Variants in NTMT2 observed in about 807,000 individuals in gnomAD.
NTMT2 encodes the protein X-Pro-Lys N-terminal protein methyltransferase 1B.
NTMT2 carries 21 observed loss-of-function variants against 23.4 expected under a neutral mutation model. The observed-to-expected ratio is 0.90, with a 90% CI of 0.64 to 1.29. The LOEUF (loss-of-function observed/expected upper bound fraction) is 1.29, where lower values mean the gene tolerates loss of function less well. Among genes scored for constraint, NTMT2 ranks in the 50% most tolerant of loss-of-function variants. NTMT2 has a pLI of 0.00. For synonymous variants in NTMT2, 131 were observed against 127.7 expected (o/e 1.03, Z -0.17); for missense variants, 336 against 352.0 (o/e 0.95, Z 0.36).
At chr1:170,160,775 G>A (rs1173365937) in intron 2 of NTMT2, 82 bp downstream of exon 2, 2 of 1,256,862 alleles carry the variant, frequency 1.6e-6, no homozygotes, top group East Asian at 2.7e-5. Flanking sequence ...TGTTATTTAA[G>A]TCACGACTAA....
chr1:170,167,971 GA>G lies in NTMT2; in HGVS notation c.*223del, dbSNP rs11360504. ...CATGCACAAATTCTGTGGATTTTCT[GA>G]AAAAAAAATGGAGTGAAATATCAGG... On this transcript the variant is annotated 3_prime_UTR_variant, in exon 4 of 4. Transcript: ENST00000439373. Among the ~76,000 whole-genome samples the G allele has an allele frequency of 0.33, 49,895 of 150,402 alleles. 8,429 individuals carry two copies. The highest frequency in any genetic ancestry group is 0.41 in the Middle Eastern group (121 of 292).
chr1:170,166,595 G>A lies in NTMT2; in HGVS notation c.424G>A (p.Val142Met), dbSNP rs749589550. 1 of 1,552,158 alleles carries A rather than the reference G, an allele frequency of 6.4e-7. No homozygotes were observed. Among genetic ancestry groups the A allele is most frequent in the Non-Finnish European group, 8.7e-7 (1 of 1,147,126 alleles). ...CGTCTTATTGCCTGTTTTCAACAGT[G>A]TGGAGCTGGTGGATATGATGGAATC... ...KHVLLPVFNS[V>M]ELVDMMESFL... Residue 142 changes from valine to methionine, a missense_variant, in exon 3 of 4, where the codon GTG becomes ATG. Coordinates refer to ENST00000439373, the MANE Select transcript of NTMT2 (RefSeq NM_001136107.2).
chr1:170,164,121 CAAAAA>C (rs36025340), intron 2 of NTMT2, among the ~76,000 whole-genome samples: 100 of 101,950 alleles, frequency 9.8e-4, no homozygotes, highest in African/African-American at 2.9e-3. Context: ...GACTCTATCT[CAAAAA>C]AAAAAAAAAA....
rs150336090 is a variant in NTMT2 at position 170,155,075 on chromosome 1, A to G, written c.155-5443A>G. Among the ~76,000 whole-genome samples the G allele has an allele frequency of 7.9e-5, 12 of 152,134 alleles. No individual in the cohort carries two copies. The East Asian group carries it at 2.3e-3, about 29-fold the overall frequency. On this transcript the variant is annotated intron_variant, in intron 1 of 3. Coordinates refer to ENST00000439373, the MANE Select transcript of NTMT2 (RefSeq NM_001136107.2). ...CTCTGGCTTCACTTTCTGCCATGGT[A>G]AAAACTCCCTAAGACCTCCTCAGAA... is the stretch of plus-strand genomic sequence containing the variant.
At chr1:170,152,230 G>A (rs1673083541) in intron 1 of NTMT2, among the ~76,000 whole-genome samples, 1 of 152,106 alleles carries the variant, frequency 6.6e-6, no homozygotes, top group South Asian at 2.1e-4. Flanking sequence ...TTAAAAATGT[G>A]GTATTAAAGT....
intron 2 of NTMT2, among the ~76,000 whole-genome samples, chr1:170,163,678 G>A (rs116136411): frequency 8.8e-4 from 134 of 152,200 alleles, no homozygotes; most frequent in African/African-American, 2.4e-3. Context: ...GTGACATGAG[G>A]TCCTTTCATT....
chr1:170,166,125 C>CTTTTTTTTTTCTTTCTT (rs1673374652), intron 2 of NTMT2, among the ~76,000 whole-genome samples: 1 of 112,568 alleles, frequency 8.9e-6, no homozygotes, highest in Non-Finnish European at 1.7e-5. Flanking sequence ...AATTTTCTTT[C>CTTTTTTTTTTCTTTCTT]TTTTTTTTTT....
chr1:170,158,197 C>T lies in NTMT2; in HGVS notation c.155-2321C>T, dbSNP rs536290946. The T allele has an allele frequency of 3.3e-5, 5 of 152,118 alleles. No individual in the cohort carries two copies. The South Asian group carries it at 1.0e-3, about 32-fold the overall frequency. The allele number at this position is 152,118 out of a possible 1,614,324, so 9.4% of individuals were successfully genotyped here. A position where few individuals can be genotyped will look rare whatever the true frequency, so the allele number is the denominator to read the frequency against. On this transcript the variant is annotated intron_variant, in intron 1 of 3. Coordinates refer to ENST00000439373, the MANE Select transcript of NTMT2 (RefSeq NM_001136107.2). ...ATCTCAGAATATTGGTGGCACTGTGCCATTGTTTTCTAGTGTTTCTGATGA... is the reference window on the plus strand; with the variant it reads ...ATCTCAGAATATTGGTGGCACTGTGTCATTGTTTTCTAGTGTTTCTGATGA...
chr1:170,146,123 G>A lies in NTMT2; in HGVS notation c.16G>A (p.Ala6Thr), dbSNP rs1672957800. Residue 6 changes from alanine to threonine, a missense_variant, in exon 1 of 4, where the codon GCC becomes ACC. Physicochemically the swap from Ala to Thr is moderately conservative, Grantham distance 58. Transcript: ENST00000439373. MAHRGAHFAFRSRWQK... is the reference protein window; with the variant it reads MAHRGTHFAFRSRWQK... ...CCCCTTTGTCATGGCCCACCGGGGAGCCCATTTTGCCTTTAGATCCCGCTG... is the reference window on the plus strand; with the variant it reads ...CCCCTTTGTCATGGCCCACCGGGGAACCCATTTTGCCTTTAGATCCCGCTG... 1 of 1,551,210 alleles carries A rather than the reference G, an allele frequency of 6.4e-7. No homozygotes were observed. The highest frequency in any genetic ancestry group is 2.4e-5 in the East Asian group (1 of 40,878).
At position 170,167,637 on chromosome 1, in the gene NTMT2, C is replaced by T. The variant is rs1673421757; in HGVS notation, c.732C>T (p.Ile244=). Reference sequence around the variant, plus strand: ...GCAGTGTGACTCGGGACATGGACATCCTCCGGAGCCTAATAAGGAAGAGTG... The same window carrying T: ...GCAGTGTGACTCGGGACATGGACATTCTCCGGAGCCTAATAAGGAAGAGTG... ...SDSSVTRDMD[I]LRSLIRKSGL... is the part of the protein sequence containing the mutation. Residue 244 remains isoleucine (I), a synonymous_variant, in exon 4 of 4, where the codon ATC becomes ATT. Coordinates refer to ENST00000439373, the MANE Select transcript of NTMT2 (RefSeq NM_001136107.2). The T allele has an allele frequency of 1.9e-6, 3 of 1,551,694 alleles. No individual in the cohort carries two copies. The highest frequency in any genetic ancestry group is 4.9e-5 in the East Asian group (2 of 40,916).
At position 170,148,541 on chromosome 1, in the gene NTMT2, G is replaced by A. The variant is rs574830778; in HGVS notation, c.154+2280G>A. ...ATTGCTTATTTTCTCTGACCCTGAT[G>A]ATTTGACCTGGACATTAGTTTGCCT... On this transcript the variant is annotated intron_variant, in intron 1 of 3. Coordinates refer to ENST00000439373, the MANE Select transcript of NTMT2 (RefSeq NM_001136107.2). Among the ~76,000 whole-genome samples, 125 of 152,144 alleles carry A rather than the reference G, an allele frequency of 8.2e-4. 4 individuals are homozygous for A. The South Asian group carries it at 0.025, about 30-fold the overall frequency.
intron 1 of NTMT2, among the ~76,000 whole-genome samples, chr1:170,150,923 A>T (rs904719817): frequency 3.9e-5 from 6 of 152,220 alleles, no homozygotes; most frequent in Non-Finnish European, 8.8e-5. Context: ...CATGTTTAGT[A>T]ACAATCATTG....
chr1:170,162,582 G>C (rs10919312), intron 2 of NTMT2, among the ~76,000 whole-genome samples: 44,594 of 152,146 alleles, frequency 0.29, 7,345 homozygotes, highest in African/African-American at 0.44. Context: ...TTCACTGAAT[G>C]CTGGTTCTGA....
chr1:170,166,625 C>A lies in NTMT2; in HGVS notation c.454C>A (p.Leu152Ile). 1 of 1,551,958 alleles carries A rather than the reference C, an allele frequency of 6.4e-7. No individual in the cohort carries two copies. The highest frequency in any genetic ancestry group is 8.7e-7 in the Non-Finnish European group (1 of 1,147,022). ...GCTGGTGGATATGATGGAATCCTTT[C>A]TCCTTGAAGCCCAGAACTACCTGCA... ...VELVDMMESF[L>I]LEAQNYLQVK... The change falls in exon 3 of 4, where the codon CTC becomes ATC. Residue 152 changes from leucine to isoleucine, a missense_variant. Physicochemically the swap from Leu to Ile is conservative, Grantham distance 5. Coordinates refer to ENST00000439373, the MANE Select transcript of NTMT2 (RefSeq NM_001136107.2).
Position 170,163,435 on chromosome 1 carries a change from G to C in NTMT2, c.330+2742G>C, listed in dbSNP as rs1673311253. 2.0e-5 allele frequency among the ~76,000 whole-genome samples: 3 copies of C among 152,188 alleles called. No homozygotes were observed. In the South Asian group the frequency reaches 6.2e-4, roughly 32 times the overall value. ...ATGACATGAGACAGTGGGAAAAGGT[G>C]TTTAAACTAGTTGCAAATGTATTTA... On this transcript the variant is annotated intron_variant, in intron 2 of 3. Transcript: ENST00000439373.
At chr1:170,158,271 A>G (rs1485619905) in intron 1 of NTMT2, among the ~76,000 whole-genome samples, 1 of 152,110 alleles carries the variant, frequency 6.6e-6, no homozygotes, top group African/African-American at 2.4e-5. Context: ...AGAGTTGCCA[A>G]ATAAAATATA....
chr1:170,159,426 T>TG (rs1209340991), intron 1 of NTMT2, among the ~76,000 whole-genome samples: 1 of 123,138 alleles, frequency 8.1e-6, no homozygotes, highest in African/African-American at 5.4e-5. Context: ...CTCTGGTTTT[T>TG]TTTTTTTTTT....
intron 1 of NTMT2, among the ~76,000 whole-genome samples, chr1:170,152,416 C>T (rs1487735213): frequency 1.3e-5 from 2 of 152,058 alleles, no homozygotes; most frequent in African/African-American, 2.4e-5. Flanking sequence ...AGACACTCAG[C>T]GAGTAGGTAG....
At chr1:170,163,780 A>T (rs1413826063) in intron 2 of NTMT2, among the ~76,000 whole-genome samples, 1 of 152,254 alleles carries the variant, frequency 6.6e-6, no homozygotes, top group Non-Finnish European at 1.5e-5. Context: ...AATTCCTAAT[A>T]GTGTTTTACT....
Sources: gnomAD v4.1 joint callset for allele counts (sites outside exome capture counted in the v4.1 genomes callset) on GRCh38, gnomAD v4.1.1 for gene constraint, MANE v1.5 for transcripts, NCBI Gene and HGNC (gene_info 2026-07-23, HGNC 2026-07-21) for gene names.